ADGB: variants seen among roughly 807,000 people sequenced by gnomAD.
ADGB encodes calpain-7-like protein.
In ADGB, 172 loss-of-function variants were observed where a neutral mutation model predicts 210.5. The observed-to-expected ratio is 0.82, with a 90% CI of 0.72 to 0.93. The LOEUF (loss-of-function observed/expected upper bound fraction) is 0.93, where lower values mean the gene tolerates loss of function less well. ADGB is among the 40% of genes least tolerant of loss of function. The probability of loss-of-function intolerance (pLI) is 0.00; values close to 1 mark genes in which losing one functional copy is unlikely to be tolerated. For missense variants in ADGB, 2,025 were observed against 1,964.8 expected, an observed-to-expected ratio of 1.03 and a Z score of -0.58; for synonymous variants, 658 against 662.7, an observed-to-expected ratio of 0.99 and a Z score of 0.11.
At position 146,736,535 on chromosome 6, in the gene ADGB, A is replaced by C. The variant is rs780601989; in HGVS notation, c.2832A>C (p.Gln944His). Residue 944 changes from glutamine (Q) to histidine (H), a missense_variant, in exon 23 of 36, where the codon CAA (glutamine) becomes CAC (histidine). Physicochemically the swap from Gln to His is conservative, Grantham distance 24. Coordinates refer to ENST00000397944, the MANE Select transcript of ADGB (RefSeq NM_024694.4). ...KENISVADTL[Q>H]KVWAVLEMNL... ...ATATCAGTGTTGCAGATACTCTTCA[A>C]AAAGTTTGGGCTGTATTGGAAATGA... 6.3e-5 allele frequency: 97 copies of C among 1,549,118 alleles called. No homozygotes were observed. Among genetic ancestry groups the C allele is most frequent in the Non-Finnish European group, 7.9e-5 (91 of 1,145,826 alleles).
rs555289035 is a variant in ADGB, at chr6:146,671,483, G to C, written c.840-737G>C. 2.0e-5 allele frequency among the ~76,000 whole-genome samples: 3 copies of C among 152,136 alleles called. No homozygotes were observed. In the South Asian group the frequency reaches 6.2e-4, roughly 32 times the overall value. The stretch of plus-strand genomic sequence containing the variant: ...TGAGTACTAAGTAGAAGGTGATGCA[G>C]GACATTTTTGTTTACTTATCTTTTT... On this transcript the variant is annotated intron_variant, in intron 7 of 35. Coordinates refer to ENST00000397944, the MANE Select transcript of ADGB (RefSeq NM_024694.4).
chr6:146,775,747 G>A (rs1405457461), intron 29 of ADGB, among the ~76,000 whole-genome samples: 1 of 151,428 alleles, frequency 6.6e-6, no homozygotes, highest in Non-Finnish European at 1.5e-5. Context: ...TCTTTATTTG[G>A]CACAATGCAT....
At chr6:146,636,990 G>A (rs1379535700) in intron 2 of ADGB, among the ~76,000 whole-genome samples, 1 of 151,918 alleles carries the variant, frequency 6.6e-6, no homozygotes, top group Non-Finnish European at 1.5e-5. Flanking sequence ...CTTTAGCTAA[G>A]TGATGAGAAC....
At chr6:146,759,379 G>C (rs1287841740) in intron 27 of ADGB, among the ~76,000 whole-genome samples, 4 of 151,396 alleles carry the variant, frequency 2.6e-5, no homozygotes, top group African/African-American at 7.3e-5. Context: ...ATGGTATAAG[G>C]TCAATTTAAA....
chr6:146,618,189 C>G (rs1780832481), intron 1 of ADGB, among the ~76,000 whole-genome samples: 1 of 151,320 alleles, frequency 6.6e-6, no homozygotes, highest in Non-Finnish European at 1.5e-5. Flanking sequence ...TCATAACAGT[C>G]TCTAATTATC....
At chr6:146,781,171 CAAAAAAAA>C (rs71031009) in intron 29 of ADGB, among the ~76,000 whole-genome samples, 9 of 90,980 alleles carry the variant, frequency 9.9e-5, no homozygotes, top group East Asian at 3.3e-4. Flanking sequence ...ACTAAAAATA[CAAAAAAAA>C]AAAAAAAAAA....
intron 29 of ADGB, among the ~76,000 whole-genome samples, chr6:146,775,384 T>A (rs981049835): frequency 6.6e-6 from 1 of 152,188 alleles, no homozygotes; most frequent in Non-Finnish European, 1.5e-5. Context: ...CTGGTTAACA[T>A]GAGGCAACAG....
At chr6:146,814,345 C>A (rs2114680177) in intron 35 of ADGB, among the ~76,000 whole-genome samples, 1 of 152,236 alleles carries the variant, frequency 6.6e-6, no homozygotes, top group Admixed American at 6.5e-5. Context: ...TGGCCACTTC[C>A]CTTTTAAGAG....
chr6:146,657,118 A>G (rs560304294), intron 5 of ADGB, 138 bp downstream of exon 5: 1 of 743,930 alleles, frequency 1.3e-6, no homozygotes, highest in East Asian at 2.8e-5. Context: ...TGAGATCAGG[A>G]GTTCGCAACC....
chr6:146,612,266 C>A (rs1378072558), intron 1 of ADGB, among the ~76,000 whole-genome samples: 1 of 152,028 alleles, frequency 6.6e-6, no homozygotes, highest in Non-Finnish European at 1.5e-5. Context: ...TTTAAGATTA[C>A]TAAATTAACA....
intron 33 of ADGB, among the ~76,000 whole-genome samples, chr6:146,799,285 G>A (rs2114662608): frequency 6.6e-6 from 1 of 152,020 alleles, no homozygotes. Flanking sequence ...AGAAAATACA[G>A]TCAGACAAGG....
chr6:146,745,985 A>G lies in ADGB; in HGVS notation c.3241A>G (p.Lys1081Glu). ...CACATATGTAGCAGCCTCACGATGG[A>G]AACTGCGTCTCATCGGTTCTTCTGC... ...GDTYVAASRW[K>E]LRLIGSSAPL... The change falls in exon 26 of 36, where the codon AAA becomes GAA. Residue 1081 changes from lysine (K) to glutamate (E), a missense_variant. Physicochemically the swap from Lys to Glu is moderately conservative, Grantham distance 56. Coordinates refer to ENST00000397944, the MANE Select transcript of ADGB (RefSeq NM_024694.4). 6.4e-7 allele frequency: 1 copy of G among 1,551,354 alleles called. No individual in the cohort carries two copies. The highest frequency in any genetic ancestry group is 8.7e-7 in the Non-Finnish European group (1 of 1,146,800).
intron 1 of ADGB, among the ~76,000 whole-genome samples, chr6:146,617,095 T>C (rs893107837): frequency 7.9e-5 from 12 of 152,068 alleles, no homozygotes; most frequent in African/African-American, 2.9e-4. Flanking sequence ...TTTTTTTTCA[T>C]CTTTTTGTGT....
chr6:146,601,025 G>C (rs966232314), intron 1 of ADGB, among the ~76,000 whole-genome samples: 3 of 151,594 alleles, frequency 2.0e-5, no homozygotes, highest in Non-Finnish European at 4.4e-5. Flanking sequence ...AACTCTTTAG[G>C]AGCTTCGGGA....
At chr6:146,762,636 G>A (rs1583627261) in intron 27 of ADGB, among the ~76,000 whole-genome samples, 1 of 152,044 alleles carries the variant, frequency 6.6e-6, no homozygotes, top group African/African-American at 2.4e-5. Context: ...TCTTTTAATT[G>A]AAAGAGTGTT....
rs553303221 is a variant in ADGB at position 146,720,644 on chromosome 6, T to C, written c.1993-759T>C. 5.9e-5 allele frequency among the ~76,000 whole-genome samples: 9 copies of C among 152,176 alleles called. No individual in the cohort carries two copies. In the East Asian group the frequency reaches 1.7e-3, roughly 29 times the overall value. On this transcript the variant is annotated intron_variant, in intron 16 of 35. Coordinates refer to ENST00000397944, the MANE Select transcript of ADGB (RefSeq NM_024694.4). ...AGTTCCACAGGCTGTACAGAAAGCA[T>C]GGCTGGGAGGGCTCAGGAAATTTAC...
intron 9 of ADGB, among the ~76,000 whole-genome samples, chr6:146,680,523 A>G (rs1776143716): frequency 6.6e-6 from 1 of 152,188 alleles, no homozygotes; most frequent in Non-Finnish European, 1.5e-5. Context: ...TGTCTGCTTA[A>G]CAGTAGAGTA....
At chr6:146,642,199 T>C (rs558360272) in intron 2 of ADGB, among the ~76,000 whole-genome samples, 1 of 151,514 alleles carries the variant, frequency 6.6e-6, no homozygotes, top group African/African-American at 2.4e-5. Flanking sequence ...ATTTCACACC[T>C]ATCAGAATGG....
chr6:146,792,797 T>G (rs186261111), intron 33 of ADGB, among the ~76,000 whole-genome samples: 4 of 152,318 alleles, frequency 2.6e-5, no homozygotes, highest in Admixed American at 2.0e-4. Context: ...AAGCACAAAA[T>G]GTCTTCAAGA....
Sources: allele counts gnomAD v4.1 joint callset (sites outside exome capture counted in the v4.1 genomes callset), GRCh38; gene constraint gnomAD v4.1.1; transcripts MANE v1.5; gene names NCBI Gene and HGNC (gene_info 2026-07-23, HGNC 2026-07-21).